Variants in RNF150 observed in about 807,000 individuals in gnomAD.
RNF150 encodes the protein ring finger protein 150.
RNF150 carries 24 observed loss-of-function variants against 39.3 expected under a neutral mutation model. The ratio of observed to expected loss-of-function variants is 0.61; its 90% CI spans 0.44 to 0.86. The LOEUF (loss-of-function observed/expected upper bound fraction) is 0.86, where lower values mean the gene tolerates loss of function less well. Ranked by LOEUF, RNF150 falls within the 40% of genes least tolerant of loss-of-function variation. The pLI is 0.00. For missense variants in RNF150, 502 were observed against 587.8 expected (o/e 0.85, Z 1.51); for synonymous variants, 255 against 227.3 (o/e 1.12, Z -1.10).
chr4:141,132,614 C>G lies in RNF150; in HGVS notation c.195G>C (p.Ala65=), dbSNP rs1578758399. ...PGAGAAGGGG[A]ELHTEKTECG... is the part of the protein sequence containing the mutation. ...ACTCCGTCTTCTCCGTGTGCAGCTC[C>G]GCGCCGCCGCCGCCCGCCGCCCCGG... Residue 65 remains alanine, a synonymous_variant, in exon 1 of 7, where the codon GCG becomes GCC. Transcript: ENST00000515673. The surrounding 1 kb of genome is among the most constrained non-coding windows in gnomAD (Gnocchi z 4.9). The G allele has an allele frequency of 1.3e-6, 2 of 1,537,046 alleles. No homozygotes were observed. The highest frequency in any genetic ancestry group is 1.7e-6 in the Non-Finnish European group (2 of 1,144,312).
chr4:141,027,468 C>T (rs1735745397), intron 1 of RNF150, among the ~76,000 whole-genome samples: 1 of 152,154 alleles, frequency 6.6e-6, no homozygotes, highest in Non-Finnish European at 1.5e-5. Flanking sequence ...CTTCCTCTGC[C>T]AAGCTCCTAT....
chr4:140,976,130 T>G (rs1156307292), intron 1 of RNF150, among the ~76,000 whole-genome samples: 2 of 152,122 alleles, frequency 1.3e-5, no homozygotes, highest in African/African-American at 4.8e-5. Context: ...AAGGAAAGAA[T>G]TTTTTAAATT....
chr4:140,936,814 A>T (rs965365913), intron 4 of RNF150, among the ~76,000 whole-genome samples: 2 of 152,184 alleles, frequency 1.3e-5, no homozygotes, highest in African/African-American at 4.8e-5. Context: ...ATGACAATTT[A>T]TATTAAATAT....
chr4:141,146,941 T>C (rs1560759169), intron 1 of RNF150, among the ~76,000 whole-genome samples: 1 of 152,150 alleles, frequency 6.6e-6, no homozygotes, highest in African/African-American at 2.4e-5. Context: ...AAAAGCTCTT[T>C]AGAGAATGTG....
At chr4:141,066,179 G>A (rs772865008) in intron 1 of RNF150, among the ~76,000 whole-genome samples, 1 of 151,204 alleles carries the variant, frequency 6.6e-6, no homozygotes, top group Non-Finnish European at 1.5e-5. Flanking sequence ...TTCCCCTCTG[G>A]ATGCAAGAAC....
In RNF150 at chr4:140,860,226, GA is replaced by G. The variant is rs1267341753; in HGVS notation, c.*8034del. On this transcript the variant is annotated 3_prime_UTR_variant, in exon 7 of 7. Coordinates refer to ENST00000515673, the MANE Select transcript of RNF150 (RefSeq NM_020724.2). ...GTAGGTGCCTGAGGTGGGGAAGAAGGAAAGAAATTTATACAGAAAAAATTTA... is the reference window on the plus strand; with the variant it reads ...GTAGGTGCCTGAGGTGGGGAAGAAGGAAGAAATTTATACAGAAAAAATTTA... 2 of 151,658 alleles carry G rather than the reference GA, an allele frequency of 1.3e-5. No homozygotes were observed. Among genetic ancestry groups the G allele is most frequent in the African/African-American group, 4.8e-5 (2 of 41,258 alleles). 9.4% of individuals were successfully genotyped at this position (151,658 alleles called of 1,614,324 possible).
chr4:141,099,383 G>C (rs1279844075), intron 1 of RNF150, among the ~76,000 whole-genome samples: 2 of 152,170 alleles, frequency 1.3e-5, no homozygotes, highest in South Asian at 2.1e-4. Flanking sequence ...AGATTGATCT[G>C]GATCAAAAGG....
intron 1 of RNF150, among the ~76,000 whole-genome samples, chr4:141,195,410 T>C (rs9993200): frequency 0.29 from 44,200 of 152,024 alleles, 6,856 homozygotes; most frequent in African/African-American, 0.39. Flanking sequence ...ATTTATGTGG[T>C]TTTCTCCCTG....
chr4:140,976,896 T>C (rs1579021090), intron 1 of RNF150, among the ~76,000 whole-genome samples: 1 of 152,068 alleles, frequency 6.6e-6, no homozygotes, highest in South Asian at 2.1e-4. Flanking sequence ...CTATCCTCAG[T>C]TGAACACCTG....
upstream of RNF150, among the ~76,000 whole-genome samples, chr4:141,137,146 A>C (rs1727040470): frequency 6.6e-6 from 1 of 152,246 alleles, no homozygotes; most frequent in Non-Finnish European, 1.5e-5. Flanking sequence ...GAAGAAAATA[A>C]GATCAGAAAG....
chr4:140,915,558 G>A (rs1020779359), intron 5 of RNF150, among the ~76,000 whole-genome samples: 12 of 152,220 alleles, frequency 7.9e-5, no homozygotes, highest in African/African-American at 2.4e-4. Flanking sequence ...GAAGTAGAAC[G>A]AAAGTGATTT....
At chr4:140,871,587 T>C (rs978023035) in intron 6 of RNF150, among the ~76,000 whole-genome samples, 9 of 152,012 alleles carry the variant, frequency 5.9e-5, no homozygotes, top group African/African-American at 2.2e-4. Flanking sequence ...AAACTGGAAG[T>C]CAACCAAAGA....
intron 1 of RNF150, among the ~76,000 whole-genome samples, chr4:141,147,548 C>G (rs1259960798): frequency 1.3e-5 from 2 of 152,202 alleles, no homozygotes; most frequent in Non-Finnish European, 1.5e-5. Flanking sequence ...TAGTGTATCT[C>G]TATGTACACA....
At chr4:140,927,437 G>A (rs1326413258) in intron 4 of RNF150, among the ~76,000 whole-genome samples, 1 of 152,054 alleles carries the variant, frequency 6.6e-6, no homozygotes, top group Non-Finnish European at 1.5e-5. Flanking sequence ...TCTTGTGATA[G>A]TGATTTCTCA....
Position 141,132,195 on chromosome 4 carries a change from T to C in RNF150, c.484+130A>G. 1.1e-6 allele frequency: 1 copy of C among 950,978 alleles called. No homozygotes were observed. The highest frequency in any genetic ancestry group is 1.6e-6 in the Non-Finnish European group (1 of 635,062). The allele number at this position is 950,978 out of a possible 1,614,324, so 58.9% of individuals were successfully genotyped here. A position where few individuals can be genotyped will look rare whatever the true frequency, so the allele number is the denominator to read the frequency against. On this transcript the variant is annotated intron_variant, in intron 1 of 6. Transcript: ENST00000515673. The surrounding 1 kb of genome is among the most constrained non-coding windows in gnomAD (Gnocchi z 4.9). Reference sequence around the variant, plus strand: ...GTGACGCGGAGCAAAACTTAATCGGTCCAGGGAACCCAGACACGTCTTCCG... The same window carrying C: ...GTGACGCGGAGCAAAACTTAATCGGCCCAGGGAACCCAGACACGTCTTCCG...
chr4:141,194,308 CATT>C (rs1242479396), intron 1 of RNF150, among the ~76,000 whole-genome samples: 1 of 152,152 alleles, frequency 6.6e-6, no homozygotes, highest in Non-Finnish European at 1.5e-5. Flanking sequence ...TTTTTACTAA[CATT>C]GTAGCTAAGG....
chr4:141,184,445 T>C (rs1482891305), intron 1 of RNF150, among the ~76,000 whole-genome samples: 1 of 152,238 alleles, frequency 6.6e-6, no homozygotes, highest in African/African-American at 2.4e-5. Context: ...TCTCCCATTT[T>C]GTAGGTTGCC....
At chr4:141,128,030 T>C (rs995236298) in intron 1 of RNF150, among the ~76,000 whole-genome samples, 2 of 152,202 alleles carry the variant, frequency 1.3e-5, no homozygotes, top group African/African-American at 4.8e-5. Flanking sequence ...TGGAACACCC[T>C]GTTTCAATTA....
chr4:141,159,897 CAGTCCT>C (rs1393300660), intron 1 of RNF150, among the ~76,000 whole-genome samples: 7 of 151,840 alleles, frequency 4.6e-5, no homozygotes, highest in African/African-American at 1.7e-4. Context: ...TGTCAAATGC[CAGTCCT>C]TACTGGTGTG....
Sources: gnomAD v4.1 joint callset for allele counts (sites outside exome capture counted in the v4.1 genomes callset) on GRCh38, gnomAD v4.1.1 for gene constraint, Gnocchi (gnomAD v3.1) non-coding constraint, MANE v1.5 for transcripts, NCBI Gene and HGNC (gene_info 2026-07-23, HGNC 2026-07-21) for gene names.